The following MOB4 variants were observed in gnomAD, a reference collection of about 807,000 sequenced individuals.
MOB4 encodes MOB family member 4, phocein.
In MOB4, 4 loss-of-function variants were observed where a neutral mutation model predicts 32.2. That is an observed-to-expected ratio of 0.12 (90% CI 0.06 to 0.28). MOB4 has a LOEUF of 0.28. Ranked by LOEUF, MOB4 falls within the 10% of genes least tolerant of loss-of-function variation. MOB4 has a pLI of 1.00. For synonymous variants in MOB4, 88 were observed against 88.1 expected, an observed-to-expected ratio of 1.00 and a Z score of 0.01; for missense variants, 158 against 271.2, an observed-to-expected ratio of 0.58 and a Z score of 2.93.
At chr2:197,540,004 TGAGGGAG>T in intron 3 of MOB4, 100 bp from the exon 4 acceptor site, 1 of 1,201,156 alleles carries the variant, frequency 8.3e-7, no homozygotes, top group Non-Finnish European at 1.1e-6. Flanking sequence ...AGAATGGTAA[TGAGGGAG>T]GAGGGATGAT....
chr2:197,547,898 A>G (rs544696889), intron 5 of MOB4, among the ~76,000 whole-genome samples: 1 of 152,202 alleles, frequency 6.6e-6, no homozygotes, highest in African/African-American at 2.4e-5. Context: ...TTATTAAAAT[A>G]TAAGGAAACT....
chr2:197,528,736 C>T (rs1462886637), intron 2 of MOB4, among the ~76,000 whole-genome samples: 1 of 151,674 alleles, frequency 6.6e-6, no homozygotes, highest in African/African-American at 2.4e-5. Flanking sequence ...CTGCCTCAGC[C>T]TCCCGAGTAG....
Position 197,540,358 on chromosome 2 carries a change from G to A in MOB4, c.275G>A (p.Cys92Tyr), listed in dbSNP as rs2086876844. ...NGLAVKLQSE[C>Y]HPDTCTQMTA... ...TATAATTATTTTTAACAGAGTGAATGCCATCCAGATACTTGCACTCAAATG... is the reference window on the plus strand; with the variant it reads ...TATAATTATTTTTAACAGAGTGAATACCATCCAGATACTTGCACTCAAATG... Residue 92 changes from cysteine (C) to tyrosine (Y), a missense_variant, in exon 5 of 8, where the codon TGC becomes TAC. Around this residue, in one of 6 missense-constraint regions of MOB4, gnomAD observed 21 missense variants for 19.8 expected, o/e 1.06. Coordinates refer to ENST00000323303, the MANE Select transcript of MOB4 (RefSeq NM_015387.5). The A allele has an allele frequency of 6.3e-7, 1 of 1,574,956 alleles. No individual in the cohort carries two copies. The highest frequency in any genetic ancestry group is 8.6e-7 in the Non-Finnish European group (1 of 1,166,442).
At chr2:197,519,687 G>A (rs1258719125) in intron 1 of MOB4, among the ~76,000 whole-genome samples, 1 of 152,102 alleles carries the variant, frequency 6.6e-6, no homozygotes, top group Non-Finnish European at 1.5e-5. Context: ...CCCCTGAAAT[G>A]AATATTTTCA....
chr2:197,550,759 T>G lies in MOB4; in HGVS notation c.*113T>G. 1 of 1,313,204 alleles carries G rather than the reference T, an allele frequency of 7.6e-7. No homozygotes were observed. Among genetic ancestry groups the G allele is most frequent in the South Asian group, 2.2e-5 (1 of 45,236 alleles). 81.3% of individuals were successfully genotyped at this position (1,313,204 alleles called of 1,614,324 possible). ...TTATAGCTTCTTTGTTTAGTATAGG[T>G]TTTTGTATGCTGGGTTTGCCTTTTA... On this transcript the variant is annotated 3_prime_UTR_variant, in exon 8 of 8. Coordinates refer to ENST00000323303, the MANE Select transcript of MOB4 (RefSeq NM_015387.5).
At chr2:197,516,455 C>T (rs2086413437) in intron 1 of MOB4, 3 of 1,187,120 alleles carry the variant, frequency 2.5e-6, no homozygotes, top group Non-Finnish European at 3.3e-6. Context: ...CGCCTTGCCC[C>T]TGAGCCCCAG....
At chr2:197,520,377 G>T (rs534284704) in intron 1 of MOB4, among the ~76,000 whole-genome samples, 1 of 152,096 alleles carries the variant, frequency 6.6e-6, no homozygotes, top group South Asian at 2.1e-4. Context: ...CTGACCTCAT[G>T]ATCCGCCTGC....
At chr2:197,525,939 A>G (rs1444393680) in intron 2 of MOB4, among the ~76,000 whole-genome samples, 1 of 152,180 alleles carries the variant, frequency 6.6e-6, no homozygotes, top group Non-Finnish European at 1.5e-5. Flanking sequence ...TTATTCTCAC[A>G]GGTTTTTTGG....
At chr2:197,523,281 T>G (rs1019665660) in intron 1 of MOB4, among the ~76,000 whole-genome samples, 4 of 152,160 alleles carry the variant, frequency 2.6e-5, no homozygotes, top group African/African-American at 4.8e-5. Flanking sequence ...AATCTTAATA[T>G]TCATTTAAAA....
chr2:197,551,158 A>C lies in MOB4; in HGVS notation c.*512A>C, dbSNP rs536988559. ...TCTGTTTATAGTTTTTGATATGCAT[A>C]TATAATTATGTGTATATCTAAATAC... On this transcript the variant is annotated 3_prime_UTR_variant, in exon 8 of 8. Transcript: ENST00000323303. 6.6e-6 allele frequency: 1 copy of C among 152,382 alleles called. No individual in the cohort carries two copies. Among genetic ancestry groups the C allele is most frequent in the Non-Finnish European group, 1.5e-5 (1 of 68,046 alleles). 9.4% of individuals were successfully genotyped at this position (152,382 alleles called of 1,614,324 possible). A position where few individuals can be genotyped will look rare whatever the true frequency, so the allele number is the denominator to read the frequency against.
At chr2:197,531,277 C>T (rs1368148021) in intron 2 of MOB4, among the ~76,000 whole-genome samples, 2 of 152,004 alleles carry the variant, frequency 1.3e-5, no homozygotes, top group East Asian at 3.9e-4. Flanking sequence ...ATCTCCTGAC[C>T]TCGTGATCCA....
chr2:197,535,222 CAAAA>C (rs371120769), intron 2 of MOB4, among the ~76,000 whole-genome samples: 3 of 66,398 alleles, frequency 4.5e-5, no homozygotes, highest in Admixed American at 1.6e-4. Flanking sequence ...GACCCTGTTT[CAAAA>C]AAAAAAAAAA....
At chr2:197,535,084 G>T (rs911381058) in intron 2 of MOB4, among the ~76,000 whole-genome samples, 1 of 152,146 alleles carries the variant, frequency 6.6e-6, no homozygotes, top group East Asian at 1.9e-4. Context: ...TTAGCCCGGC[G>T]TGATGGCGTG....
intron 6 of MOB4, among the ~76,000 whole-genome samples, chr2:197,549,678 T>G (rs953346135): frequency 6.6e-6 from 1 of 151,652 alleles, no homozygotes; most frequent in Non-Finnish European, 1.5e-5. Context: ...GCCTCATGAG[T>G]AGCTGGGATT....
At chr2:197,550,160 A>G in intron 6 of MOB4, 115 bp from the exon 7 acceptor site, 1 of 880,310 alleles carries the variant, frequency 1.1e-6, no homozygotes, top group South Asian at 2.2e-5. Flanking sequence ...ACCTTGGAGT[A>G]GTCGCTTATT....
intron 2 of MOB4, among the ~76,000 whole-genome samples, chr2:197,534,262 C>T (rs2086758716): frequency 6.6e-6 from 1 of 152,192 alleles, no homozygotes; most frequent in South Asian, 2.1e-4. Context: ...GTTTTTGTAA[C>T]CACCCTTTTA....
At chr2:197,533,964 A>C (rs778495434) in intron 2 of MOB4, 7 of 562,836 alleles carry the variant, frequency 1.2e-5, no homozygotes, top group Non-Finnish European at 2.4e-5. Context: ...AGCTGGGTCT[A>C]GAAGGAATTT....
chr2:197,526,820 G>A (rs2086619344), intron 2 of MOB4, among the ~76,000 whole-genome samples: 1 of 152,110 alleles, frequency 6.6e-6, no homozygotes, highest in Non-Finnish European at 1.5e-5. Flanking sequence ...TATGTGACAC[G>A]TTATTTCTGG....
intron 5 of MOB4, among the ~76,000 whole-genome samples, chr2:197,544,735 A>G (rs896382668): frequency 1.3e-5 from 2 of 151,866 alleles, no homozygotes; most frequent in African/African-American, 4.8e-5. Flanking sequence ...CCTGGGCAAC[A>G]GAGTGAGACT....
Sources: allele counts gnomAD v4.1 joint callset (sites outside exome capture counted in the v4.1 genomes callset), GRCh38; gene constraint gnomAD v4.1.1; regional missense constraint gnomAD v4.1.1; transcripts MANE v1.5; gene names NCBI Gene and HGNC (gene_info 2026-07-23, HGNC 2026-07-21).